Variants in ZPBP observed in about 807,000 individuals in gnomAD.
The protein encoded by ZPBP is zona pellucida-binding protein 1.
In ZPBP, 26 loss-of-function variants were observed where a neutral mutation model predicts 44.8. That is an observed-to-expected ratio of 0.58 (90% CI 0.43 to 0.81). The LOEUF is 0.81. Among genes scored for constraint, ZPBP ranks in the 30% least tolerant of loss-of-function variants. The pLI, the probability that ZPBP is intolerant of heterozygous loss-of-function variation, is 0.00. For missense variants in ZPBP, 409 were observed against 434.0 expected (o/e 0.94, Z 0.51); for synonymous variants, 174 against 153.2 (o/e 1.14, Z -1.00).
At chr7:49,878,695 T>G (rs1226850883) in intron 2 of ZPBP, among the ~76,000 whole-genome samples, 1 of 152,190 alleles carries the variant, frequency 6.6e-6, no homozygotes, top group African/African-American at 2.4e-5. Flanking sequence ...CTTTGATAAG[T>G]TCTCTGCCAT....
chr7:49,880,670 C>T lies in ZPBP; in HGVS notation n.509+20448G>A, dbSNP rs138338950. ...ACACAGGGTGGGGAACATCACACAC[C>T]GGGGCCTGTTGTGGGATGGGGGAAG... On this transcript the variant is annotated intron_variant and non_coding_transcript_variant, in intron 2 of 2. Transcript: ENST00000465922. Among the ~76,000 whole-genome samples the T allele has an allele frequency of 4.6e-4, 69 of 151,482 alleles. No individual in the cohort carries two copies. In the East Asian group the frequency reaches 0.012, roughly 26 times the overall value.
At chr7:49,844,284 C>T in the ZPBP span, among the ~76,000 whole-genome samples, 1 of 152,130 alleles carries the variant, frequency 6.6e-6, no homozygotes, top group Admixed American at 6.5e-5. Context: ...ATCCTCTCAA[C>T]CTTTAAAGCA....
At chr7:49,928,607 C>T (rs1389952211) in intron 1 of ZPBP, among the ~76,000 whole-genome samples, 1 of 152,194 alleles carries the variant, frequency 6.6e-6, no homozygotes, top group African/African-American at 2.4e-5. Flanking sequence ...CCCATGAGGT[C>T]ACAGGTGCAG....
intron 1 of ZPBP, among the ~76,000 whole-genome samples, chr7:49,903,060 G>A (rs1463084132): frequency 2.6e-5 from 4 of 152,156 alleles, no homozygotes; most frequent in Non-Finnish European, 5.9e-5. Flanking sequence ...TAAAACTTGA[G>A]ATATCACTAT....
chr7:49,843,542 A>C, the ZPBP span, among the ~76,000 whole-genome samples: 33,720 of 152,174 alleles, frequency 0.22, 5,703 homozygotes, highest in African/African-American at 0.47. Flanking sequence ...TCAAGTAAAA[A>C]ACAAACACCA....
At chr7:50,003,209 T>C (rs1798168946) in intron 6 of ZPBP, among the ~76,000 whole-genome samples, 1 of 152,156 alleles carries the variant, frequency 6.6e-6, no homozygotes, top group African/African-American at 2.4e-5. Flanking sequence ...TGAAGTAACA[T>C]CAACAAGACA....
At chr7:50,050,751 T>C (rs1034259071) in intron 4 of ZPBP, among the ~76,000 whole-genome samples, 3 of 122,060 alleles carry the variant, frequency 2.5e-5, no homozygotes, top group African/African-American at 9.6e-5. Flanking sequence ...TTGAAGCCAC[T>C]GCACTCCAGC....
Position 49,944,315 on chromosome 7 carries a change from T to A in ZPBP, c.962-6693A>T, listed in dbSNP as rs138081189. ...CTTGTATTTCTTTTGCCTGTACATA[T>A]TCAGGCCTGAGACTGTGGCCTGGTC... On this transcript the variant is annotated intron_variant, in intron 7 of 7. Coordinates refer to ENST00000046087, the MANE Select transcript of ZPBP (RefSeq NM_007009.3). 545 of 271,410 alleles carry A rather than the reference T, an allele frequency of 2.0e-3. 1 individual carries two copies. Among genetic ancestry groups the A allele is most frequent in the African/African-American group, 0.011 (489 of 43,672 alleles). 16.8% of individuals were successfully genotyped at this position (271,410 alleles called of 1,614,324 possible). A position where few individuals can be genotyped will look rare whatever the true frequency, so the allele number is the denominator to read the frequency against.
chr7:49,852,685 C>T lies in ZPBP; in HGVS notation n.510-2171G>A, dbSNP rs550961395. 1.2e-4 allele frequency among the ~76,000 whole-genome samples: 18 copies of T among 150,216 alleles called. No homozygotes were observed. The South Asian group carries it at 2.3e-3, about 19-fold the overall frequency. ...AAAGAGCCCTACCACCTTGGTGTGA[C>T]GGATGGGGGACGGGCCTTGCTCCTA... On this transcript the variant is annotated intron_variant and non_coding_transcript_variant, in intron 2 of 2. Coordinates refer to the ZPBP transcript ENST00000465922.
intron 6 of ZPBP, among the ~76,000 whole-genome samples, chr7:49,984,596 A>G (rs1797168783): frequency 6.6e-6 from 1 of 151,988 alleles, no homozygotes; most frequent in Non-Finnish European, 1.5e-5. Context: ...AGTTCACAAT[A>G]GGGTTTGTGA....
At chr7:49,889,301 G>C (rs1792030951) in intron 2 of ZPBP, among the ~76,000 whole-genome samples, 1 of 152,172 alleles carries the variant, frequency 6.6e-6, no homozygotes, top group Admixed American at 6.5e-5. Flanking sequence ...CTATTGTGAA[G>C]GTTAAACTTG....
At chr7:49,950,413 T>A (rs537695322) in intron 7 of ZPBP, among the ~76,000 whole-genome samples, 1 of 151,874 alleles carries the variant, frequency 6.6e-6, no homozygotes, top group East Asian at 1.9e-4. Flanking sequence ...ATCTCAACCA[T>A]GACAATTTTA....
At chr7:49,939,070 G>A (rs1794743015) in intron 7 of ZPBP, among the ~76,000 whole-genome samples, 1 of 152,096 alleles carries the variant, frequency 6.6e-6, no homozygotes, top group African/African-American at 2.4e-5. Context: ...GATAACAACA[G>A]TATTTGAATT....
At chr7:49,928,508 C>T (rs866212934) in intron 1 of ZPBP, among the ~76,000 whole-genome samples, 2 of 152,172 alleles carry the variant, frequency 1.3e-5, no homozygotes, top group African/African-American at 2.4e-5. Context: ...TCAGGACCAC[C>T]CCTGTGGGTA....
chr7:49,983,497 A>T lies in ZPBP; in HGVS notation c.806T>A (p.Phe269Tyr), dbSNP rs747400544. ...AAGAATTTCTACTTGTTGATTAAAA[A>T]ATCTCTCTATGAGATTTTTAGCCTA... is the stretch of plus-strand genomic sequence containing the variant. ...LFKAKNLIER[F>Y]FNQQVEILGR... is the part of the protein sequence containing the mutation. The change falls in exon 7 of 8, where the codon TTT becomes TAT. Residue 269 changes from phenylalanine (F) to tyrosine (Y), a missense_variant. This residue lies in a region of ZPBP where 367 missense variants were observed against 363.1 expected (regional missense o/e 1.01). Transcript: ENST00000046087. The T allele has an allele frequency of 6.2e-7, 1 of 1,606,064 alleles. No homozygotes were observed. Among genetic ancestry groups the T allele is most frequent in the South Asian group, 1.1e-5 (1 of 90,028 alleles).
chr7:49,982,183 T>C (rs1257510080), intron 7 of ZPBP, among the ~76,000 whole-genome samples: 1 of 77,820 alleles, frequency 1.3e-5, no homozygotes, highest in Non-Finnish European at 2.2e-5. Flanking sequence ...ATATATAATT[T>C]ATTATTATAT....
intron 2 of ZPBP, 131 bp from the exon 3 acceptor site, chr7:50,082,030 A>G: frequency 9.8e-7 from 1 of 1,019,368 alleles, no homozygotes; most frequent in Non-Finnish European, 1.4e-6. Context: ...ATTACTTGAT[A>G]AAAACTAAAT....
At chr7:50,089,850 C>T (rs1321890548) in intron 1 of ZPBP, 141 bp from the exon 2 acceptor site, 1 of 680,984 alleles carries the variant, frequency 1.5e-6, no homozygotes, top group Non-Finnish European at 2.6e-6. Flanking sequence ...TGTTCCAACT[C>T]TATTCCCCCT....
chr7:49,974,988 G>A (rs1796444185), intron 7 of ZPBP, among the ~76,000 whole-genome samples: 1 of 152,054 alleles, frequency 6.6e-6, no homozygotes, highest in Non-Finnish European at 1.5e-5. Flanking sequence ...GACCCACTTT[G>A]CTTTTATCCT....
Sources: allele counts gnomAD v4.1 joint callset (sites outside exome capture counted in the v4.1 genomes callset), GRCh38; gene constraint gnomAD v4.1.1; regional missense constraint gnomAD v4.1.1; transcripts MANE v1.5; gene names NCBI Gene and HGNC (gene_info 2026-07-23, HGNC 2026-07-21).